The following ST6GALNAC6 variants were observed in gnomAD, a reference collection of about 807,000 sequenced individuals.
ST6GALNAC6 encodes alpha-N-acetylgalactosaminide alpha-2,6-sialyltransferase 6.
Under a neutral mutation model 34.3 loss-of-function variants are expected in ST6GALNAC6, and 19 were observed. The observed-to-expected ratio is 0.55, with a 90% CI of 0.39 to 0.81. The LOEUF (loss-of-function observed/expected upper bound fraction) is 0.81. Ranked by LOEUF, ST6GALNAC6 falls within the 40% of genes least tolerant of loss-of-function variation. The pLI, the probability that ST6GALNAC6 is intolerant of heterozygous loss-of-function variation, is 0.00. For synonymous variants in ST6GALNAC6, 185 were observed against 182.1 expected (o/e 1.02, Z -0.13); for missense variants, 377 against 467.7 (o/e 0.81, Z 1.79).
chr9:127,905,261 G>C (rs1395602469), exon 1 of ST6GALNAC6: 5 of 985,556 alleles, frequency 5.1e-6, no homozygotes, highest in Non-Finnish European at 6.0e-6. Flanking sequence ...TCAGTTTCCT[G>C]ATCAAGACAG....
chr9:127,886,692 C>T lies in ST6GALNAC6; in HGVS notation c.909G>A (p.Lys303=). The T allele has an allele frequency of 6.2e-7, 1 of 1,614,108 alleles. No individual in the cohort carries two copies. Among genetic ancestry groups the T allele is most frequent in the Non-Finnish European group, 8.5e-7 (1 of 1,180,002 alleles). The part of the protein sequence containing the change: ...VTYIQNEHSR[K]GNHHRFITEK... ...CGGTGATGAAGCGGTGGTGGTTGCC[C>T]TTGCGACTGTGCTCATTCTGGATGT... The change falls in exon 7 of 7, where the codon AAG becomes AAA. Residue 303 remains lysine (K), a synonymous_variant. Transcript: ENST00000373146.
At chr9:127,894,884 C>T (rs1830357664) in intron 3 of ST6GALNAC6, among the ~76,000 whole-genome samples, 193 bp from the exon 4 acceptor site, 1 of 152,206 alleles carries the variant, frequency 6.6e-6, no homozygotes, top group African/African-American at 2.4e-5. Flanking sequence ...CATTCAAACT[C>T]CCATCCCTCC....
At chr9:127,902,745 C>T (rs1384683968), upstream of ST6GALNAC6, among the ~76,000 whole-genome samples, 3 of 149,696 alleles carry the variant, frequency 2.0e-5, no homozygotes, top group East Asian at 5.9e-4. Context: ...TGTGCTACCA[C>T]GCTCGGCTAA....
Position 127,890,568 on chromosome 9 carries a change from G to A in ST6GALNAC6, c.704+69C>T, listed in dbSNP as rs1588638545. 6.3e-7 allele frequency: 1 copy of A among 1,599,156 alleles called. No homozygotes were observed. On this transcript the variant is annotated intron_variant, in intron 5 of 6. Coordinates refer to ENST00000373146, the MANE Select transcript of ST6GALNAC6 (RefSeq NM_013443.5). The surrounding 1 kb of genome is among the most constrained non-coding windows in gnomAD (Gnocchi z 4.3). ...GAGCAGTGCATGCTGGGAGCAACAG[G>A]CCCTCTGGATGGGGCATGCTGAGAA...
chr9:127,887,357 C>A, intron 6 of ST6GALNAC6, 127 bp downstream of exon 6: 1 of 688,812 alleles, frequency 1.5e-6, no homozygotes, highest in Non-Finnish European at 2.5e-6. Flanking sequence ...CTCTGAAGAA[C>A]AGTTTGAAAA....
intron 3 of ST6GALNAC6, 57 bp downstream of exon 3, chr9:127,896,185 C>A: frequency 6.3e-7 from 1 of 1,581,294 alleles, no homozygotes; most frequent in Non-Finnish European, 8.7e-7. Flanking sequence ...CAAAGGAACC[C>A]GTTCCATGGA....
intron 5 of ST6GALNAC6, among the ~76,000 whole-genome samples, chr9:127,889,082 C>T (rs140900697): frequency 1.6e-3 from 239 of 152,306 alleles, no homozygotes; most frequent in African/African-American, 5.6e-3. Flanking sequence ...GGCACGGTGG[C>T]TCACGCCTGT....
chr9:127,894,459 G>A (rs1830325493), intron 4 of ST6GALNAC6, 53 bp downstream of exon 4: 7 of 1,595,342 alleles, frequency 4.4e-6, no homozygotes, highest in African/African-American at 2.7e-5. Context: ...AACAGGTGGA[G>A]GGAGTGGTGA....
chr9:127,893,437 C>A (rs1830264170), intron 4 of ST6GALNAC6, among the ~76,000 whole-genome samples: 1 of 152,182 alleles, frequency 6.6e-6, no homozygotes, highest in African/African-American at 2.4e-5. Flanking sequence ...TGGGTTGGAA[C>A]CACATACTCT....
At chr9:127,900,560 CAAAAA>C (rs71380101), upstream of ST6GALNAC6, among the ~76,000 whole-genome samples, 3 of 44,168 alleles carry the variant, frequency 6.8e-5, no homozygotes, top group African/African-American at 2.3e-4. Flanking sequence ...AACTCCGTCT[CAAAAA>C]AAAAAAAAAA....
rs1176965492 is a variant in ST6GALNAC6, at chr9:127,890,981, G to C, written c.360C>G (p.Thr120=). Residue 120 remains threonine, a synonymous_variant, in exon 5 of 7, where the codon ACC becomes ACG. Coordinates refer to ENST00000373146, the MANE Select transcript of ST6GALNAC6 (RefSeq NM_013443.5). The surrounding 1 kb of genome is among the most constrained non-coding windows in gnomAD (Gnocchi z 4.3). The stretch of plus-strand genomic sequence containing the variant: ...CCCGCTCGATCTCAGGGCCCAGCTT[G>C]GTGCCCAGCAGGTGGCTGGAGCTGC... The part of the protein sequence containing the change: ...IVSSSSHLLG[T]KLGPEIERAE... 1 of 1,614,034 alleles carries C rather than the reference G, an allele frequency of 6.2e-7. No homozygotes were observed. The highest frequency in any genetic ancestry group is 8.5e-7 in the Non-Finnish European group (1 of 1,180,038).
chr9:127,893,634 G>A (rs942557101), intron 4 of ST6GALNAC6, among the ~76,000 whole-genome samples: 2 of 152,200 alleles, frequency 1.3e-5, no homozygotes. Flanking sequence ...GATGCTGGAA[G>A]CACTGCAAGC....
upstream of ST6GALNAC6, among the ~76,000 whole-genome samples, chr9:127,906,196 C>T (rs1051049262): frequency 1.3e-5 from 2 of 151,812 alleles, no homozygotes; most frequent in African/African-American, 4.8e-5. Flanking sequence ...CTACTGGCTA[C>T]ATAATTTCTG....
rs964202303 is a variant in ST6GALNAC6 at position 127,885,631 on chromosome 9, C to G, written c.*968G>C. 6.6e-6 allele frequency: 1 copy of G among 152,228 alleles called. No individual in the cohort carries two copies. The highest frequency in any genetic ancestry group is 1.5e-5 in the Non-Finnish European group (1 of 68,094). 9.4% of individuals were successfully genotyped at this position (152,228 alleles called of 1,614,324 possible). ...GGGTCGAGGGAGACCCTCGGAAGCC[C>G]CCAGTGACTCCAGACAAAGGGGCAG... On this transcript the variant is annotated 3_prime_UTR_variant, in exon 7 of 7. Transcript: ENST00000373146.
chr9:127,894,169 G>T (rs1014972249), intron 4 of ST6GALNAC6, among the ~76,000 whole-genome samples: 1 of 152,190 alleles, frequency 6.6e-6, no homozygotes, highest in South Asian at 2.1e-4. Flanking sequence ...AAGGCAGCCG[G>T]TATTATTACT....
chr9:127,891,694 G>A (rs1049255359), intron 4 of ST6GALNAC6, among the ~76,000 whole-genome samples: 2 of 143,606 alleles, frequency 1.4e-5, no homozygotes, highest in Non-Finnish European at 3.0e-5. Context: ...AAAGGAAAGG[G>A]GAAAAAGGAA....
chr9:127,890,548 G>T lies in ST6GALNAC6; in HGVS notation c.704+89C>A. On this transcript the variant is annotated intron_variant, in intron 5 of 6. Transcript: ENST00000373146. The surrounding 1 kb of genome is among the most constrained non-coding windows in gnomAD (Gnocchi z 4.3). The stretch of plus-strand genomic sequence containing the variant: ...CGGGACTTGACTACCCCTCAGAGCA[G>T]TGCATGCTGGGAGCAACAGGCCCTC... The T allele has an allele frequency of 6.3e-7, 1 of 1,579,286 alleles. No homozygotes were observed. The highest frequency in any genetic ancestry group is 1.3e-5 in the African/African-American group (1 of 74,476).
At chr9:127,900,045 G>A (rs899945350), upstream of ST6GALNAC6, among the ~76,000 whole-genome samples, 4 of 152,236 alleles carry the variant, frequency 2.6e-5, no homozygotes, top group Non-Finnish European at 4.4e-5. Context: ...CGCCAGCTGC[G>A]CAGCCTTAGC....
Position 127,897,016 on chromosome 9 carries a change from C to CCAGGCTCGA in ST6GALNAC6, c.27-693_27-685dup, listed in dbSNP as rs546600047. On this transcript the variant is annotated intron_variant, in intron 2 of 6. Coordinates refer to ENST00000373146, the MANE Select transcript of ST6GALNAC6 (RefSeq NM_013443.5). ...CAAGTCTGAGAGGCTCGGTTCTAGT[C>CCAGGCTCGA]CAGGCTCGACAGTCTCTGCCAGGGC... The CCAGGCTCGA allele has an allele frequency of 6.5e-6, 6 of 928,570 alleles. No homozygotes were observed. In the Admixed American group the frequency reaches 3.7e-4, roughly 57 times the overall value. The allele number at this position is 928,570 out of a possible 1,614,324, so 57.5% of individuals were successfully genotyped here. A position where few individuals can be genotyped will look rare whatever the true frequency, so the allele number is the denominator to read the frequency against.
Sources: gnomAD v4.1 joint callset for allele counts (sites outside exome capture counted in the v4.1 genomes callset) on GRCh38, gnomAD v4.1.1 for gene constraint, Gnocchi (gnomAD v3.1) non-coding constraint, MANE v1.5 for transcripts, NCBI Gene and HGNC (gene_info 2026-07-23, HGNC 2026-07-21) for gene names.